The following SAMMSON variants were observed in gnomAD, a reference collection of about 807,000 sequenced individuals.
SAMMSON encodes the protein survival associated mitochondrial melanoma specific oncogenic non-coding RNA, also known as long intergenic non-protein coding RNA 1212.
chr3:70,174,867 A>G (rs2106702006), intron 4 of SAMMSON, among the ~76,000 whole-genome samples: 1 of 152,104 alleles, frequency 6.6e-6, no homozygotes, highest in Non-Finnish European at 1.5e-5. Context: ...AAAATCATGA[A>G]CCAAGCCAAT....
chr3:70,086,888 G>C (rs2067287406), intron 4 of SAMMSON, among the ~76,000 whole-genome samples: 1 of 152,126 alleles, frequency 6.6e-6, no homozygotes, highest in African/African-American at 2.4e-5. Flanking sequence ...ACAATCCCAG[G>C]AGGCATTATT....
chr3:70,184,867 T>A (rs190071198), intron 4 of SAMMSON, among the ~76,000 whole-genome samples: 77 of 152,310 alleles, frequency 5.1e-4, no homozygotes, highest in Admixed American at 4.3e-3. Flanking sequence ...ACTAATGGAC[T>A]GTGTACTGTT....
chr3:70,173,241 T>C (rs1046879138), intron 4 of SAMMSON, among the ~76,000 whole-genome samples: 1 of 151,994 alleles, frequency 6.6e-6, no homozygotes. Flanking sequence ...TCAAACCATT[T>C]ATTTTTCAGC....
At chr3:70,228,499 A>G (rs1415866070) in intron 4 of SAMMSON, among the ~76,000 whole-genome samples, 1 of 151,848 alleles carries the variant, frequency 6.6e-6, no homozygotes, top group Admixed American at 6.6e-5. Flanking sequence ...GTTTTGGGAG[A>G]AGGACCCCTG....
intron 4 of SAMMSON, among the ~76,000 whole-genome samples, chr3:70,153,094 A>T (rs1161101706): frequency 6.6e-6 from 1 of 151,926 alleles, no homozygotes. Flanking sequence ...TATATATATT[A>T]TACACATATA....
chr3:70,096,885 C>T (rs2067324854), intron 4 of SAMMSON, among the ~76,000 whole-genome samples: 1 of 152,122 alleles, frequency 6.6e-6, no homozygotes, highest in Admixed American at 6.6e-5. Flanking sequence ...ATGTCTATGG[C>T]CTGGTGAGTT....
At chr3:70,433,821 G>C (rs1276934902) in intron 2 of SAMMSON, among the ~76,000 whole-genome samples, 1 of 152,138 alleles carries the variant, frequency 6.6e-6, no homozygotes, top group African/African-American at 2.4e-5. Context: ...TTTTATGAAA[G>C]ATGTAAGATC....
intron 7 of SAMMSON, among the ~76,000 whole-genome samples, chr3:70,309,650 A>C (rs1014941583): frequency 6.6e-6 from 1 of 152,186 alleles, no homozygotes; most frequent in African/African-American, 2.4e-5. Context: ...TTTTTTAAAT[A>C]TATGCCAACC....
intron 4 of SAMMSON, among the ~76,000 whole-genome samples, chr3:70,158,853 ATTAGTGTATTTT>A (rs2067602753): frequency 6.6e-6 from 1 of 152,074 alleles, no homozygotes; most frequent in Non-Finnish European, 1.5e-5. Flanking sequence ...ATACTTTTGT[ATTAGTGTATTTT>A]TAATATCAAA....
chr3:70,142,598 G>A (rs968981376), intron 4 of SAMMSON, among the ~76,000 whole-genome samples: 3 of 152,106 alleles, frequency 2.0e-5, no homozygotes, highest in East Asian at 3.9e-4. Context: ...TATACTGCTC[G>A]GGTGATGGGT....
At chr3:70,417,676 T>A (rs1701274091) in intron 2 of SAMMSON, among the ~76,000 whole-genome samples, 1 of 151,980 alleles carries the variant, frequency 6.6e-6, no homozygotes, top group African/African-American at 2.4e-5. Context: ...TAAAGAAGCT[T>A]ATTTTTTTTT....
intron 6 of SAMMSON, among the ~76,000 whole-genome samples, chr3:70,288,366 G>A (rs1214519560): frequency 2.9e-5 from 4 of 136,582 alleles, no homozygotes; most frequent in Non-Finnish European, 6.2e-5. Flanking sequence ...TAGTTGAGCG[G>A]TTTTGAGTGA....
intron 7 of SAMMSON, among the ~76,000 whole-genome samples, chr3:70,327,826 A>T (rs1702590073): frequency 6.6e-6 from 1 of 152,160 alleles, no homozygotes; most frequent in Non-Finnish European, 1.5e-5. Flanking sequence ...TCCAAATAAC[A>T]CTGTCCCAGA....
intron 4 of SAMMSON, among the ~76,000 whole-genome samples, chr3:70,179,390 T>C (rs906821661): frequency 3.3e-5 from 5 of 152,200 alleles, no homozygotes; most frequent in Admixed American, 2.6e-4. Flanking sequence ...CACAGAATCC[T>C]ACGTGGGACT....
rs556419377 is a variant in SAMMSON at position 70,134,673 on chromosome 3, AT to A, written n.507+63113del. On this transcript the variant is annotated intron_variant and non_coding_transcript_variant, in intron 4 of 9. Coordinates refer to ENST00000642114, the Ensembl canonical transcript of SAMMSON. Reference sequence around the variant, plus strand: ...TTTAATCTCAGTAAAATAGAAAAACATTTTTATGACATATTTCTAATTCATT... The same window carrying A: ...TTTAATCTCAGTAAAATAGAAAAACATTTTATGACATATTTCTAATTCATT... Among the ~76,000 whole-genome samples, 1,192 of 152,264 alleles carry A rather than the reference AT, an allele frequency of 7.8e-3. 9 individuals carry two copies. The highest frequency in any genetic ancestry group is 0.027 in the African/African-American group (1,114 of 41,554).
At chr3:70,068,207 A>T (rs1482515352) in intron 3 of SAMMSON, 1 of 152,084 alleles carries the variant, frequency 6.6e-6, no homozygotes, top group Non-Finnish European at 1.5e-5. Flanking sequence ...GAACCGCTGC[A>T]TTTATTGAAG....
intron 4 of SAMMSON, among the ~76,000 whole-genome samples, chr3:70,174,306 A>T (rs1017637504): frequency 2.6e-5 from 4 of 152,046 alleles, no homozygotes; most frequent in Non-Finnish European, 5.9e-5. Flanking sequence ...AATCTAAATG[A>T]TAAACCTAAT....
chr3:70,375,108 A>T (rs1288007552), intron 9 of SAMMSON, among the ~76,000 whole-genome samples: 1 of 152,168 alleles, frequency 6.6e-6, no homozygotes, highest in Non-Finnish European at 1.5e-5. Context: ...TGAAAAGTAC[A>T]TCTATGCCAT....
chr3:70,217,631 C>T (rs1701427750), intron 4 of SAMMSON, among the ~76,000 whole-genome samples: 2 of 152,136 alleles, frequency 1.3e-5, no homozygotes, highest in Non-Finnish European at 1.5e-5. Context: ...AAGGTGTTTT[C>T]ATATCCACCA....
Sources: gnomAD v4.1 joint callset for allele counts (sites outside exome capture counted in the v4.1 genomes callset) on GRCh38, gnomAD v4.1.1 for gene constraint, MANE v1.5 for transcripts, NCBI Gene and HGNC (gene_info 2026-07-23, HGNC 2026-07-21) for gene names.